NTRK3: variants seen among roughly 807,000 people sequenced by gnomAD.
NTRK3 encodes the protein NT-3 growth factor receptor.
A neutral mutation model predicts 91.7 loss-of-function variants in NTRK3; 24 were observed. That is an observed-to-expected ratio of 0.26 (90% CI 0.19 to 0.37). The LOEUF (loss-of-function observed/expected upper bound fraction) is 0.37, where lower values mean the gene tolerates loss of function less well. Ranked by LOEUF, NTRK3 falls within the 10% of genes least tolerant of loss-of-function variation. NTRK3 has a pLI of 1.00. For synonymous variants in NTRK3, 483 were observed against 404.0 expected (o/e 1.20, Z -2.34); for missense variants, 880 against 1,068.9 (o/e 0.82, Z 2.46).
At chr15:87,861,202 C>T (rs921574431) in exon 19 of NTRK3, 3 of 220,274 alleles carry the variant, frequency 1.4e-5, no homozygotes, top group South Asian at 1.8e-4. Flanking sequence ...GATATAATAG[C>T]TTTACATATA....
chr15:88,236,843 C>T (rs1014213218), intron 3 of NTRK3, among the ~76,000 whole-genome samples: 1 of 149,614 alleles, frequency 6.7e-6, no homozygotes, highest in Non-Finnish European at 1.5e-5. Context: ...ATCTCCCAAA[C>T]AGTGGCTCCC....
chr15:88,128,593 C>A (rs1225703483), intron 11 of NTRK3, 118 bp downstream of exon 11: 3 of 1,063,458 alleles, frequency 2.8e-6, no homozygotes, highest in Non-Finnish European at 4.4e-6. Flanking sequence ...CACTCAGATG[C>A]CCTCAGCTGC....
At chr15:88,129,888 T>C (rs551459956) in intron 10 of NTRK3, among the ~76,000 whole-genome samples, 92 of 152,304 alleles carry the variant, frequency 6.0e-4, no homozygotes, top group Middle Eastern at 6.8e-3. Flanking sequence ...AAAAGGTCTT[T>C]AAAGATGTAT....
intron 17 of NTRK3, among the ~76,000 whole-genome samples, chr15:87,905,841 A>T (rs776110281): frequency 6.6e-6 from 1 of 152,204 alleles, no homozygotes; most frequent in Admixed American, 6.5e-5. Flanking sequence ...GATGGAAGCC[A>T]CACAGGAAGA....
chr15:87,949,072 G>A (rs1432805765), intron 14 of NTRK3, among the ~76,000 whole-genome samples: 1 of 152,128 alleles, frequency 6.6e-6, no homozygotes. Context: ...CTAACTATAT[G>A]ATGAATGGGC....
chr15:88,041,166 G>A (rs529405444), intron 13 of NTRK3, among the ~76,000 whole-genome samples: 62 of 152,276 alleles, frequency 4.1e-4, no homozygotes, highest in Non-Finnish European at 8.2e-4. Context: ...GTGCATCTAG[G>A]GATGGACTGC....
chr15:87,908,568 C>A (rs1287361136), intron 17 of NTRK3: 2 of 399,150 alleles, frequency 5.0e-6, no homozygotes, highest in Non-Finnish European at 8.8e-6. Flanking sequence ...CCCTTCCTGA[C>A]AGTGAATGAG....
At chr15:88,034,362 T>C (rs975147556) in intron 13 of NTRK3, among the ~76,000 whole-genome samples, 1 of 152,168 alleles carries the variant, frequency 6.6e-6, no homozygotes, top group African/African-American at 2.4e-5. Flanking sequence ...AGAAATCCAG[T>C]AAGGACATAC....
chr15:87,989,849 C>A (rs754573578), intron 14 of NTRK3, among the ~76,000 whole-genome samples: 9 of 152,152 alleles, frequency 5.9e-5, no homozygotes, highest in Admixed American at 5.2e-4. Flanking sequence ...TCAAGGGATG[C>A]GCCCACCTCA....
intron 14 of NTRK3, among the ~76,000 whole-genome samples, chr15:88,012,008 C>T (rs1230053424): frequency 6.6e-6 from 1 of 152,162 alleles, no homozygotes; most frequent in Non-Finnish European, 1.5e-5. Flanking sequence ...CACCTTATGA[C>T]AGACACACAG....
intron 16 of NTRK3, among the ~76,000 whole-genome samples, chr15:87,930,466 T>A (rs998776484): frequency 3.9e-5 from 6 of 152,092 alleles, no homozygotes; most frequent in Admixed American, 2.0e-4. Context: ...CCTTTTACTA[T>A]CTCCGGTGGG....
At chr15:87,873,401 T>C in exon 19 of NTRK3, 1 of 230,116 alleles carries the variant, frequency 4.3e-6, no homozygotes. Flanking sequence ...GAAAGAAGAA[T>C]TGGGAGGTCC....
At chr15:87,929,651 A>G (rs1346161910) in intron 16 of NTRK3, among the ~76,000 whole-genome samples, 1 of 152,244 alleles carries the variant, frequency 6.6e-6, no homozygotes, top group African/African-American at 2.4e-5. Context: ...AGATGAGAGC[A>G]GACATACTCA....
intron 3 of NTRK3, among the ~76,000 whole-genome samples, chr15:88,246,391 T>A (rs534731317): frequency 6.6e-6 from 1 of 152,314 alleles, no homozygotes; most frequent in Non-Finnish European, 1.5e-5. Context: ...TGCCAGGACC[T>A]GCTATTTTCT....
intron 13 of NTRK3, among the ~76,000 whole-genome samples, chr15:88,055,985 C>T (rs755983438): frequency 2.0e-5 from 3 of 151,786 alleles, no homozygotes; most frequent in Non-Finnish European, 2.9e-5. Context: ...AAAAGTGCCC[C>T]GGCAGCAGGA....
exon 19 of NTRK3, chr15:87,865,769 C>G: frequency 1.3e-5 from 3 of 227,050 alleles, no homozygotes; most frequent in Non-Finnish European, 2.6e-5. Context: ...AGTTCCAAGC[C>G]TGAAAACAAA....
intron 14 of NTRK3, among the ~76,000 whole-genome samples, chr15:88,030,092 G>A (rs2078389945): frequency 6.6e-6 from 1 of 152,224 alleles, no homozygotes; most frequent in Non-Finnish European, 1.5e-5. Context: ...ACTTTCCCCA[G>A]CATCAGAGGG....
chr15:87,871,474 T>C (rs1251437524), exon 19 of NTRK3: 1 of 230,160 alleles, frequency 4.3e-6, no homozygotes, highest in African/African-American at 2.2e-5. Flanking sequence ...TAGGGGGTGG[T>C]TTTCCCTGCA....
chr15:87,932,293 G>C (rs991390650), intron 16 of NTRK3, among the ~76,000 whole-genome samples: 2 of 152,140 alleles, frequency 1.3e-5, no homozygotes, highest in Admixed American at 6.6e-5. Context: ...ACTTTCTATT[G>C]ATGGAAACAT....
Sources: gnomAD v4.1 joint callset for allele counts (sites outside exome capture counted in the v4.1 genomes callset) on GRCh38, gnomAD v4.1.1 for gene constraint, MANE v1.5 for transcripts, NCBI Gene and HGNC (gene_info 2026-07-23, HGNC 2026-07-21) for gene names.